The following LRRC4C variants were observed in gnomAD, a reference collection of about 807,000 sequenced individuals.
LRRC4C encodes leucine rich repeat containing 4C.
Under a neutral mutation model 33.6 loss-of-function variants are expected in LRRC4C, and 5 were observed. The ratio of observed to expected loss-of-function variants is 0.15; its 90% CI spans 0.08 to 0.31. The LOEUF (loss-of-function observed/expected upper bound fraction) is 0.31, where lower values mean the gene tolerates loss of function less well. Ranked by LOEUF, LRRC4C falls within the 10% of genes least tolerant of loss-of-function variation. The pLI is 1.00. For synonymous variants in LRRC4C, 329 were observed against 302.0 expected, an observed-to-expected ratio of 1.09 and a Z score of -0.93; for missense variants, 560 against 796.7, an observed-to-expected ratio of 0.70 and a Z score of 3.58.
At chr11:40,883,446 G>A (rs1367320929) in intron 2 of LRRC4C, among the ~76,000 whole-genome samples, 1 of 151,950 alleles carries the variant, frequency 6.6e-6, no homozygotes, top group Non-Finnish European at 1.5e-5. Flanking sequence ...TCAGCAGATA[G>A]CTAAATTTTT....
intron 1 of LRRC4C, among the ~76,000 whole-genome samples, chr11:41,052,876 T>A (rs2138151244): frequency 6.6e-6 from 1 of 152,366 alleles, no homozygotes; most frequent in South Asian, 2.1e-4. Flanking sequence ...AAATTAAAGT[T>A]GGCAACCTAA....
intron 5 of LRRC4C, among the ~76,000 whole-genome samples, chr11:40,221,265 T>C (rs1864393920): frequency 6.6e-6 from 1 of 152,230 alleles, no homozygotes; most frequent in South Asian, 2.1e-4. Context: ...TTTTACTTTA[T>C]TCTAAATGTC....
intron 3 of LRRC4C, among the ~76,000 whole-genome samples, chr11:40,521,309 GATA>G (rs1471462250): frequency 6.6e-6 from 1 of 152,164 alleles, no homozygotes; most frequent in Non-Finnish European, 1.5e-5. Flanking sequence ...TAATAGTGAA[GATA>G]ATAAGTCATT....
chr11:41,329,134 C>T (rs1476033022), intron 1 of LRRC4C, among the ~76,000 whole-genome samples: 1 of 152,138 alleles, frequency 6.6e-6, no homozygotes, highest in Non-Finnish European at 1.5e-5. Flanking sequence ...ATATTTTCTT[C>T]AAGACTCATT....
intron 3 of LRRC4C, among the ~76,000 whole-genome samples, chr11:40,431,942 A>G (rs1428319468): frequency 1.3e-5 from 2 of 152,154 alleles, no homozygotes; most frequent in African/African-American, 2.4e-5. Flanking sequence ...AGTTCCAAAG[A>G]TTTATGGTCA....
chr11:40,560,199 C>A (rs867832967), intron 3 of LRRC4C, among the ~76,000 whole-genome samples: 1 of 152,198 alleles, frequency 6.6e-6, no homozygotes. Context: ...ATTCTCAGAG[C>A]AATTATATAC....
At chr11:40,561,790 G>A (rs1050532101) in intron 3 of LRRC4C, among the ~76,000 whole-genome samples, 14 of 152,058 alleles carry the variant, frequency 9.2e-5, no homozygotes, top group African/African-American at 2.4e-4. Flanking sequence ...AAATTCACTC[G>A]TACAGAATTA....
At chr11:40,565,441 T>C (rs1957717640) in intron 3 of LRRC4C, among the ~76,000 whole-genome samples, 1 of 152,220 alleles carries the variant, frequency 6.6e-6, no homozygotes, top group South Asian at 2.1e-4. Flanking sequence ...ACTCAGTGAC[T>C]GACCTTGAAG....
intron 3 of LRRC4C, among the ~76,000 whole-genome samples, chr11:40,508,791 T>C (rs1408344981): frequency 6.6e-6 from 1 of 152,210 alleles, no homozygotes; most frequent in African/African-American, 2.4e-5. Flanking sequence ...TGTGAAACTG[T>C]TGTCAAAGTG....
rs1947821593 is a variant in LRRC4C at position 40,735,629 on chromosome 11, G to C, written c.-406-87351C>G. 2.4e-5 allele frequency among the ~76,000 whole-genome samples: 3 copies of C among 125,688 alleles called. No individual in the cohort carries two copies. The South Asian group carries it at 7.6e-4, about 32-fold the overall frequency. The allele number at this position is 125,688 out of a possible 152,430, so 82.5% of individuals were successfully genotyped here. ...TGCCGCAATAAACATATGTGTGCAT[G>C]TGTCTTTATAGCAGCATTATTTATA... On this transcript the variant is annotated intron_variant, in intron 2 of 6. Transcript: ENST00000528697.
chr11:40,638,884 T>C (rs1591344115), intron 3 of LRRC4C, among the ~76,000 whole-genome samples: 1 of 152,114 alleles, frequency 6.6e-6, no homozygotes, highest in Non-Finnish European at 1.5e-5. Context: ...ATATACGATG[T>C]TGCTAAAAGA....
chr11:40,859,379 C>T (rs918869635), intron 2 of LRRC4C, among the ~76,000 whole-genome samples: 1 of 151,752 alleles, frequency 6.6e-6, no homozygotes, highest in African/African-American at 2.4e-5. Flanking sequence ...GGCTCGTAGA[C>T]TTATGTATTG....
rs552073273 is a variant in LRRC4C at position 41,252,781 on chromosome 11, G to A, written c.-496+206650C>T. ...CTCACAATCATAGCAGAAGGTGAAC[G>A]AGGAGCAAAGTCACATCTTACATGG... On this transcript the variant is annotated intron_variant, in intron 1 of 6. Transcript: ENST00000528697. Among the ~76,000 whole-genome samples the A allele has an allele frequency of 1.6e-3, 245 of 152,214 alleles. 1 individual carries two copies. The highest frequency in any genetic ancestry group is 5.5e-3 in the African/African-American group (230 of 41,546).
intron 1 of LRRC4C, among the ~76,000 whole-genome samples, chr11:41,306,934 T>C (rs1026134434): frequency 2.0e-5 from 3 of 152,230 alleles, no homozygotes; most frequent in Admixed American, 6.5e-5. Context: ...GAGATATTTT[T>C]CCATGTTTCA....
intron 1 of LRRC4C, among the ~76,000 whole-genome samples, chr11:41,386,058 T>C (rs1399841922): frequency 6.6e-6 from 1 of 151,648 alleles, no homozygotes; most frequent in Non-Finnish European, 1.5e-5. Flanking sequence ...TGTTGTAACA[T>C]CTTTGCTTAG....
chr11:41,386,380 A>C (rs1175232113), intron 1 of LRRC4C, among the ~76,000 whole-genome samples: 7 of 151,678 alleles, frequency 4.6e-5, no homozygotes. Context: ...GAGAGTTCCC[A>C]TATGCCCTTC....
chr11:40,848,992 T>C (rs998670076), intron 2 of LRRC4C, among the ~76,000 whole-genome samples: 1 of 152,208 alleles, frequency 6.6e-6, no homozygotes, highest in African/African-American at 2.4e-5. Flanking sequence ...GCTTTCCATT[T>C]GCTTGGTAAA....
chr11:41,096,988 G>A (rs1019898014), intron 1 of LRRC4C, among the ~76,000 whole-genome samples: 1 of 152,092 alleles, frequency 6.6e-6, no homozygotes, highest in Admixed American at 6.6e-5. Flanking sequence ...TATGAAGAAG[G>A]GATGATAGGA....
At chr11:40,117,970 G>C (rs945661564) in intron 6 of LRRC4C, among the ~76,000 whole-genome samples, 15 of 149,892 alleles carry the variant, frequency 1.0e-4, no homozygotes, top group Admixed American at 7.3e-4. Context: ...ATGATTATAT[G>C]ATAGATATGG....
Sources: gnomAD v4.1 joint callset for allele counts (sites outside exome capture counted in the v4.1 genomes callset) on GRCh38, gnomAD v4.1.1 for gene constraint, MANE v1.5 for transcripts, NCBI Gene and HGNC (gene_info 2026-07-23, HGNC 2026-07-21) for gene names.